The following SEMA3C variants were observed in gnomAD, a reference collection of about 807,000 sequenced individuals.
SEMA3C encodes the protein semaphorin 3C.
Under a neutral mutation model 89.4 loss-of-function variants are expected in SEMA3C, and 47 were observed. That is an observed-to-expected ratio of 0.53 (90% confidence interval 0.42 to 0.67). The LOEUF is 0.67. Among genes scored for constraint, SEMA3C ranks in the 30% least tolerant of loss-of-function variants. The probability of loss-of-function intolerance (pLI) is 0.00; values close to 1 mark genes in which losing one functional copy is unlikely to be tolerated. For synonymous variants in SEMA3C, 310 were observed against 320.2 expected (o/e 0.97, Z 0.34); for missense variants, 839 against 929.1 (o/e 0.90, Z 1.26).
At chr7:80,850,650 A>G (rs1562905212) in intron 2 of SEMA3C, among the ~76,000 whole-genome samples, 1 of 152,020 alleles carries the variant, frequency 6.6e-6, no homozygotes, top group African/African-American at 2.4e-5. Flanking sequence ...GTCTAGACAT[A>G]TTTTTCAGCC....
intron 17 of SEMA3C, among the ~76,000 whole-genome samples, chr7:80,747,874 A>G (rs547474258): frequency 1.3e-4 from 20 of 152,264 alleles, no homozygotes; most frequent in Middle Eastern, 6.8e-3. Flanking sequence ...AATGAGGGAC[A>G]CACAATTTCC....
chr7:80,805,889 G>T, intron 6 of SEMA3C, 131 bp from the exon 7 acceptor site: 3 of 512,454 alleles, frequency 5.9e-6, no homozygotes, highest in South Asian at 4.4e-5. Context: ...AATATTAATT[G>T]GTTTGCATTG....
intron 2 of SEMA3C, among the ~76,000 whole-genome samples, chr7:80,859,081 C>A (rs1790711286): frequency 6.6e-6 from 1 of 151,840 alleles, no homozygotes; most frequent in Admixed American, 6.6e-5. Flanking sequence ...ATTCATCATA[C>A]CTTAGTTCTT....
At chr7:80,864,242 G>A (rs1010893638) in intron 2 of SEMA3C, among the ~76,000 whole-genome samples, 3 of 151,742 alleles carry the variant, frequency 2.0e-5, no homozygotes, top group African/African-American at 7.3e-5. Context: ...GGGACTTGGG[G>A]GGAAGAGTGA....
chr7:80,884,464 C>T (rs931721612), intron 2 of SEMA3C, among the ~76,000 whole-genome samples: 2 of 152,172 alleles, frequency 1.3e-5, no homozygotes, highest in African/African-American at 2.4e-5. Context: ...TTTTAAAAGA[C>T]TCCTATGATT....
chr7:80,758,598 C>T (rs530413983), intron 14 of SEMA3C, 110 bp from the exon 15 acceptor site: 27 of 1,095,952 alleles, frequency 2.5e-5, no homozygotes, highest in African/African-American at 1.1e-4. Context: ...ATTTTGGAAC[C>T]GATTAAAAAC....
intron 14 of SEMA3C, among the ~76,000 whole-genome samples, chr7:80,758,849 T>C (rs1314052506): frequency 2.0e-5 from 3 of 152,146 alleles, no homozygotes; most frequent in Non-Finnish European, 2.9e-5. Context: ...GGAAGCATTC[T>C]TATTTTTCAA....
At chr7:80,834,337 T>C (rs1790077873) in intron 2 of SEMA3C, among the ~76,000 whole-genome samples, 1 of 152,162 alleles carries the variant, frequency 6.6e-6, no homozygotes, top group South Asian at 2.1e-4. Flanking sequence ...CTAAAATTCA[T>C]GTATCTACAT....
chr7:80,767,754 G>A (rs1440864519), intron 12 of SEMA3C, among the ~76,000 whole-genome samples: 1 of 151,920 alleles, frequency 6.6e-6, no homozygotes, highest in African/African-American at 2.4e-5. Context: ...GAATTGTACA[G>A]GACTTTACAA....
intron 6 of SEMA3C, among the ~76,000 whole-genome samples, chr7:80,810,172 T>C (rs574625391): frequency 6.6e-6 from 1 of 152,066 alleles, no homozygotes; most frequent in African/African-American, 2.4e-5. Flanking sequence ...TATGTATACA[T>C]AGATCAAAAC....
intron 2 of SEMA3C, among the ~76,000 whole-genome samples, chr7:80,867,719 TACAC>T (rs10641992): frequency 2.7e-5 from 4 of 149,690 alleles, no homozygotes; most frequent in African/African-American, 7.3e-5. Context: ...GTATAAATCA[TACAC>T]ACACACACAC....
At chr7:80,846,607 A>C (rs550589095) in intron 2 of SEMA3C, among the ~76,000 whole-genome samples, 5 of 152,300 alleles carry the variant, frequency 3.3e-5, no homozygotes, top group Admixed American at 3.3e-4. Flanking sequence ...CTGAGATTAC[A>C]GGTGTGAGCC....
At chr7:80,776,162 T>C (rs1788545548) in intron 12 of SEMA3C, among the ~76,000 whole-genome samples, 1 of 151,946 alleles carries the variant, frequency 6.6e-6, no homozygotes, top group Non-Finnish European at 1.5e-5. Flanking sequence ...TACAAGACCG[T>C]GCTCTACAAA....
chr7:80,749,425 G>C (rs1318782218), intron 16 of SEMA3C, among the ~76,000 whole-genome samples: 1 of 152,182 alleles, frequency 6.6e-6, no homozygotes, highest in African/African-American at 2.4e-5. Flanking sequence ...GAATGTGTCA[G>C]GCAATACCGA....
chr7:80,794,651 A>G (rs936808209), intron 11 of SEMA3C, among the ~76,000 whole-genome samples: 17 of 152,166 alleles, frequency 1.1e-4, no homozygotes, highest in African/African-American at 4.1e-4. Flanking sequence ...TATACTTATA[A>G]AGAGATGTTA....
Position 80,745,255 on chromosome 7 carries a change from G to A in SEMA3C, c.1895C>T (p.Ser632Phe), listed in dbSNP as rs757381855. Residue 632 changes from serine (S) to phenylalanine (F), a missense_variant, in exon 18 of 18, where the codon TCT (serine) becomes TTT (phenylalanine). Ser to Phe is a radical substitution (Grantham distance 155, BLOSUM62 -2). Transcript: ENST00000265361. ...AAGTCCTTGGTCAGAACCCTGAACA[G>A]AGCGGATCAGGAGTCCCTGTGAAGT... ...IATSQGLLIRSVQGSDQGLYH... is the reference protein window; with the variant it reads ...IATSQGLLIRFVQGSDQGLYH... 7.4e-6 allele frequency: 12 copies of A among 1,613,886 alleles called. No homozygotes were observed. In the African/African-American group the frequency reaches 8.0e-5, roughly 11 times the overall value.
chr7:80,907,720 C>T (rs1792048503), intron 2 of SEMA3C, among the ~76,000 whole-genome samples: 1 of 152,010 alleles, frequency 6.6e-6, no homozygotes, highest in Non-Finnish European at 1.5e-5. Flanking sequence ...ATACTTAGGG[C>T]TCTGACTGGC....
At chr7:80,824,356 C>T (rs931998171) in intron 4 of SEMA3C, among the ~76,000 whole-genome samples, 1 of 152,074 alleles carries the variant, frequency 6.6e-6, no homozygotes, top group Non-Finnish European at 1.5e-5. Context: ...GTGTCCTACC[C>T]GCAAGCCCTG....
rs1473560277 is a variant in SEMA3C, at chr7:80,916,744, A to C, written c.38T>G (p.Phe13Cys). The change falls in exon 2 of 18, where the codon TTT (phenylalanine) becomes TGT (cysteine). Residue 13 changes from phenylalanine to cysteine, a missense_variant. Coordinates refer to ENST00000265361, the MANE Select transcript of SEMA3C (RefSeq NM_006379.5). ...FRTICVLVGVFICSICVKGSS... is the reference protein window; with the variant it reads ...FRTICVLVGVCICSICVKGSS... Reference sequence around the variant, plus strand: ...TCCTTTCACACAGATAGAACAAATAAATACTCCAACCAACACGCAAATTGT... The same window carrying C: ...TCCTTTCACACAGATAGAACAAATACATACTCCAACCAACACGCAAATTGT... 1 of 1,613,648 alleles carries C rather than the reference A, an allele frequency of 6.2e-7. No individual in the cohort carries two copies.
Sources: gnomAD v4.1 joint callset for allele counts (sites outside exome capture counted in the v4.1 genomes callset) on GRCh38, gnomAD v4.1.1 for gene constraint, MANE v1.5 for transcripts, NCBI Gene and HGNC (gene_info 2026-07-23, HGNC 2026-07-21) for gene names.